Variants in LRMDA observed in about 807,000 individuals in gnomAD.
LRMDA encodes leucine-rich melanocyte differentiation-associated protein.
A neutral mutation model predicts 29.8 loss-of-function variants in LRMDA; 18 were observed. That is an observed-to-expected ratio of 0.60 (90% CI 0.42 to 0.90). LRMDA has a LOEUF of 0.90. Among genes scored for constraint, LRMDA ranks in the 40% least tolerant of loss-of-function variants. The pLI is 0.00. For missense variants in LRMDA, 273 were observed against 273.9 expected (o/e 1.00, Z 0.02); for synonymous variants, 125 against 109.4 (o/e 1.14, Z -0.89).
chr10:75,782,558 G>A lies in LRMDA; in HGVS notation c.132-253450G>A, dbSNP rs138718324. On this transcript the variant is annotated intron_variant, in intron 2 of 6. Transcript: ENST00000611255. ...ATCCTGTGAAGCGGAAAGGAGGCCGGTACTTTCAGCCTGAGGTCGGCCAGG... is the reference window on the plus strand; with the variant it reads ...ATCCTGTGAAGCGGAAAGGAGGCCGATACTTTCAGCCTGAGGTCGGCCAGG... Among the ~76,000 whole-genome samples the A allele has an allele frequency of 8.7e-3, 1,332 of 152,240 alleles. 17 individuals carry two copies. Among genetic ancestry groups the A allele is most frequent in the Middle Eastern group, 0.031 (9 of 294 alleles).
chr10:76,106,815 C>G (rs73283387), intron 5 of LRMDA, among the ~76,000 whole-genome samples: 1 of 152,322 alleles, frequency 6.6e-6, no homozygotes, highest in African/African-American at 2.4e-5. Context: ...GGAGCAGCTT[C>G]TCTGTAGCGA....
At chr10:75,452,199 T>C (rs1844469323) in intron 2 of LRMDA, among the ~76,000 whole-genome samples, 1 of 152,172 alleles carries the variant, frequency 6.6e-6, no homozygotes, top group Non-Finnish European at 1.5e-5. Context: ...AGGATTTGCC[T>C]GGGGTCCTGG....
At chr10:76,060,118 C>A (rs1023123950) in intron 5 of LRMDA, among the ~76,000 whole-genome samples, 2 of 152,138 alleles carry the variant, frequency 1.3e-5, no homozygotes, top group Non-Finnish European at 2.9e-5. Context: ...CCAGAGATAG[C>A]CAGCATGACC....
chr10:75,975,908 C>G (rs149502067), intron 2 of LRMDA, among the ~76,000 whole-genome samples: 73 of 152,308 alleles, frequency 4.8e-4, no homozygotes, highest in African/African-American at 1.6e-3. Flanking sequence ...CTTCCACCAC[C>G]ACCCTGGGCC....
At chr10:75,834,838 T>C (rs946732333) in intron 2 of LRMDA, among the ~76,000 whole-genome samples, 7 of 152,264 alleles carry the variant, frequency 4.6e-5, no homozygotes, top group Middle Eastern at 6.8e-3. Flanking sequence ...TAAGACAGTG[T>C]TGGTTTCTCT....
rs558492866 is a variant in LRMDA, at chr10:76,363,121, G to GAA, written c.601+38638_601+38639dup. ...GGTTTCAGCCTGTGGAGTAAGGAAA[G>GAA]AAAGAAAGAAAGAAAGAAAGAAAGA... is the stretch of plus-strand genomic sequence containing the variant. On this transcript the variant is annotated intron_variant, in intron 6 of 6. Transcript: ENST00000611255. 0.015 allele frequency among the ~76,000 whole-genome samples: 208 copies of GAA among 14,072 alleles called. 4 individuals are homozygous for GAA. In the South Asian group the frequency reaches 0.24, roughly 16 times the overall value. The allele number at this position is 14,072 out of a possible 152,430, so 9.2% of individuals were successfully genotyped here.
chr10:75,907,012 A>G (rs1845770264), intron 2 of LRMDA, among the ~76,000 whole-genome samples: 1 of 152,200 alleles, frequency 6.6e-6, no homozygotes, highest in Non-Finnish European at 1.5e-5. Context: ...TAGCTGTAAG[A>G]TCTTTCCTGG....
chr10:75,754,588 G>A (rs767263880), intron 2 of LRMDA, among the ~76,000 whole-genome samples: 9 of 152,104 alleles, frequency 5.9e-5, no homozygotes, highest in African/African-American at 9.7e-5. Flanking sequence ...ACTTGTCACA[G>A]TTGCTGGTAT....
intron 5 of LRMDA, among the ~76,000 whole-genome samples, chr10:76,310,950 A>G (rs1051383580): frequency 2.6e-5 from 4 of 152,236 alleles, no homozygotes; most frequent in African/African-American, 9.6e-5. Context: ...GTGAACAATT[A>G]GAAGTTCATT....
intron 2 of LRMDA, among the ~76,000 whole-genome samples, chr10:75,455,855 C>T (rs1844510029): frequency 6.6e-6 from 1 of 152,174 alleles, no homozygotes; most frequent in Non-Finnish European, 1.5e-5. Flanking sequence ...TCCATGCTGC[C>T]TTAAGACTTC....
At chr10:76,176,354 T>C (rs1850934531) in intron 5 of LRMDA, among the ~76,000 whole-genome samples, 1 of 152,200 alleles carries the variant, frequency 6.6e-6, no homozygotes, top group Admixed American at 6.5e-5. Flanking sequence ...CGGTAATGAA[T>C]ACCGATTACA....
intron 5 of LRMDA, among the ~76,000 whole-genome samples, chr10:76,063,733 C>G (rs886549000): frequency 1.6e-4 from 25 of 152,168 alleles, no homozygotes; most frequent in African/African-American, 5.3e-4. Flanking sequence ...TGAGAATCAC[C>G]TGCTCCCACA....
At chr10:75,665,681 G>T (rs926927726) in intron 2 of LRMDA, among the ~76,000 whole-genome samples, 1 of 152,192 alleles carries the variant, frequency 6.6e-6, no homozygotes, top group Admixed American at 6.5e-5. Context: ...ACTTAGTAAT[G>T]TCAGGAAAAA....
intron 2 of LRMDA, among the ~76,000 whole-genome samples, chr10:75,811,557 C>T (rs1184460398): frequency 6.6e-6 from 1 of 152,160 alleles, no homozygotes; most frequent in East Asian, 1.9e-4. Context: ...GGACTGAGGG[C>T]ACTGAGATCC....
At chr10:75,591,651 C>T (rs547294535) in intron 2 of LRMDA, among the ~76,000 whole-genome samples, 7 of 152,152 alleles carry the variant, frequency 4.6e-5, no homozygotes, top group African/African-American at 1.2e-4. Context: ...CAGTTCTCCC[C>T]GTAATCGGGA....
chr10:75,993,568 A>G (rs937239969), intron 2 of LRMDA, among the ~76,000 whole-genome samples: 4 of 151,978 alleles, frequency 2.6e-5, no homozygotes, highest in African/African-American at 9.7e-5. Flanking sequence ...CTCCATCTCT[A>G]CTAAAAATAC....
intron 2 of LRMDA, among the ~76,000 whole-genome samples, chr10:75,710,059 C>T (rs1202390955): frequency 6.6e-6 from 1 of 152,182 alleles, no homozygotes; most frequent in Non-Finnish European, 1.5e-5. Flanking sequence ...GTCACTTTGA[C>T]CTCTTCTGTT....
intron 5 of LRMDA, among the ~76,000 whole-genome samples, chr10:76,283,519 C>G (rs1322952306): frequency 1.3e-5 from 2 of 152,146 alleles, no homozygotes; most frequent in African/African-American, 4.8e-5. Context: ...CTAAAATACT[C>G]AGGTGTGAGT....
chr10:76,171,564 A>G (rs1225583478), intron 5 of LRMDA, among the ~76,000 whole-genome samples: 2 of 152,266 alleles, frequency 1.3e-5, no homozygotes, highest in African/African-American at 4.8e-5. Context: ...TCCACTACCC[A>G]CTGCTCTGGC....
Sources: allele counts gnomAD v4.1 joint callset (sites outside exome capture counted in the v4.1 genomes callset), GRCh38; gene constraint gnomAD v4.1.1; transcripts MANE v1.5; gene names NCBI Gene and HGNC (gene_info 2026-07-23, HGNC 2026-07-21).